NTM: variants seen among roughly 807,000 people sequenced by gnomAD.
The protein encoded by NTM is IgLON family member 2.
A neutral mutation model predicts 42.1 loss-of-function variants in NTM; 13 were observed. The ratio of observed to expected loss-of-function variants is 0.31; its 90% CI spans 0.20 to 0.49. The LOEUF is 0.49. NTM is among the 20% of genes least tolerant of loss of function. The pLI is 0.99. For missense variants in NTM, 373 were observed against 452.8 expected (o/e 0.82, Z 1.60); for synonymous variants, 187 against 179.2 (o/e 1.04, Z -0.35).
chr11:131,681,485 G>A (rs1392041555), intron 1 of NTM, among the ~76,000 whole-genome samples: 2 of 49,700 alleles, frequency 4.0e-5, no homozygotes, highest in African/African-American at 1.1e-4. Context: ...CTGTGTGTAT[G>A]TCTCCTTGTG....
At chr11:131,606,661 G>C (rs994040546) in intron 1 of NTM, among the ~76,000 whole-genome samples, 1 of 152,086 alleles carries the variant, frequency 6.6e-6, no homozygotes, top group African/African-American at 2.4e-5. Context: ...TCAAGGGGGT[G>C]GGCACACTCA....
intron 2 of NTM, among the ~76,000 whole-genome samples, chr11:131,968,069 A>G (rs1447536638): frequency 6.6e-6 from 1 of 152,224 alleles, no homozygotes; most frequent in Non-Finnish European, 1.5e-5. Flanking sequence ...CGTGCTAGCT[A>G]GTGTTTTACC....
chr11:131,825,323 T>A (rs543431130), intron 1 of NTM, among the ~76,000 whole-genome samples: 2 of 152,186 alleles, frequency 1.3e-5, no homozygotes, highest in African/African-American at 4.8e-5. Flanking sequence ...ATTATTCTGT[T>A]TTCAAATAAG....
In NTM at chr11:131,939,807, C is replaced by T. The variant is rs115794777; in HGVS notation, c.167+28159C>T. ...GATTTTCAAGATTCTTCTTTTACCC[C>T]CTTGAATGATGTTATGCTCTGTGTA... On this transcript the variant is annotated intron_variant, in intron 2 of 8. Coordinates refer to ENST00000683400, the MANE Select transcript of NTM (RefSeq NM_001352005.2). 8.5e-3 allele frequency among the ~76,000 whole-genome samples: 1,286 copies of T among 152,174 alleles called. 15 individuals carry two copies. Among genetic ancestry groups the T allele is most frequent in the African/African-American group, 0.028 (1,181 of 41,518 alleles).
intron 1 of NTM, among the ~76,000 whole-genome samples, chr11:131,724,201 G>A (rs909756138): frequency 6.6e-5 from 10 of 152,118 alleles, no homozygotes; most frequent in African/African-American, 2.2e-4. Flanking sequence ...CTGCAGGGTG[G>A]CCAGGGCGCC....
chr11:132,013,691 T>G (rs2072746329), intron 2 of NTM, among the ~76,000 whole-genome samples: 1 of 152,178 alleles, frequency 6.6e-6, no homozygotes, highest in African/African-American at 2.4e-5. Flanking sequence ...TTAGGCATAT[T>G]TTATGGACCA....
At chr11:132,314,440 T>C in intron 6 of NTM, 112 bp from the exon 7 acceptor site, 1 of 1,164,598 alleles carries the variant, frequency 8.6e-7, no homozygotes, top group Non-Finnish European at 1.2e-6. Context: ...ATGGTTATAA[T>C]GATGTCAGAA....
At chr11:131,991,130 GC>G (rs1250693071) in intron 2 of NTM, among the ~76,000 whole-genome samples, 1 of 152,170 alleles carries the variant, frequency 6.6e-6, no homozygotes, top group Admixed American at 6.5e-5. Flanking sequence ...CTACTGAGGA[GC>G]TTTTATTGAA....
intron 1 of NTM, among the ~76,000 whole-genome samples, chr11:131,529,933 C>G (rs1157355679): frequency 6.6e-6 from 1 of 152,176 alleles, no homozygotes; most frequent in Non-Finnish European, 1.5e-5. Flanking sequence ...GACTCCACCT[C>G]TCCCCCTCAC....
chr11:131,593,523 C>T (rs1008175939), intron 1 of NTM, among the ~76,000 whole-genome samples: 1 of 152,186 alleles, frequency 6.6e-6, no homozygotes, highest in African/African-American at 2.4e-5. Context: ...CCTGCCCCGC[C>T]CCCCTGCCAT....
chr11:131,474,561 C>G (rs1952742065), intron 1 of NTM, among the ~76,000 whole-genome samples: 2 of 152,064 alleles, frequency 1.3e-5, no homozygotes, highest in African/African-American at 4.8e-5. Context: ...TCTCATTCAT[C>G]ATCTATAGCT....
chr11:132,028,911 T>C (rs1330482560), intron 2 of NTM, among the ~76,000 whole-genome samples: 1 of 152,134 alleles, frequency 6.6e-6, no homozygotes. Flanking sequence ...AGGGCTCCTA[T>C]TGAAGTGTGG....
intron 1 of NTM, among the ~76,000 whole-genome samples, chr11:131,678,785 C>G (rs1368721606): frequency 3.3e-5 from 5 of 152,144 alleles, no homozygotes; most frequent in African/African-American, 1.2e-4. Flanking sequence ...CGTGTCTGGA[C>G]TTCTGACGCT....
chr11:132,148,797 G>A (rs1250453637), intron 3 of NTM, among the ~76,000 whole-genome samples: 1 of 152,120 alleles, frequency 6.6e-6, no homozygotes, highest in East Asian at 1.9e-4. Context: ...ACGGCTGGGT[G>A]TTTTTGGGGG....
At chr11:132,075,577 A>G (rs1023528428) in intron 2 of NTM, among the ~76,000 whole-genome samples, 1 of 152,200 alleles carries the variant, frequency 6.6e-6, no homozygotes, top group Admixed American at 6.5e-5. Flanking sequence ...TCTCAGGTTC[A>G]TACACAGCTC....
At chr11:132,315,794 T>TATCTGAG (rs1257051881) in intron 7 of NTM, among the ~76,000 whole-genome samples, 1 of 152,094 alleles carries the variant, frequency 6.6e-6, no homozygotes, top group Non-Finnish European at 1.5e-5. Flanking sequence ...ATCCCAGCTT[T>TATCTGAG]ATCTGAGAGA....
At chr11:131,723,415 T>C (rs1338530763) in intron 1 of NTM, among the ~76,000 whole-genome samples, 1 of 152,180 alleles carries the variant, frequency 6.6e-6, no homozygotes, top group African/African-American at 2.4e-5. Context: ...TCCATGGAGG[T>C]TTCCTATATG....
chr11:131,421,325 G>A (rs1332849227), intron 1 of NTM, among the ~76,000 whole-genome samples: 1 of 152,198 alleles, frequency 6.6e-6, no homozygotes, highest in African/African-American at 2.4e-5. Context: ...GAGGACAGAG[G>A]CATCTAAGAA....
At chr11:131,498,805 T>C (rs919374810) in intron 1 of NTM, among the ~76,000 whole-genome samples, 16 of 152,166 alleles carry the variant, frequency 1.1e-4, no homozygotes, top group Admixed American at 9.8e-4. Context: ...GGCTCCTCAT[T>C]TGATCTCCTT....
Sources: allele counts gnomAD v4.1 joint callset (sites outside exome capture counted in the v4.1 genomes callset), GRCh38; gene constraint gnomAD v4.1.1; transcripts MANE v1.5; gene names NCBI Gene and HGNC (gene_info 2026-07-23, HGNC 2026-07-21).